DLC1: variants seen among roughly 807,000 people sequenced by gnomAD.
DLC1 encodes the protein DLC1 Rho GTPase activating protein.
In DLC1, 54 loss-of-function variants were observed where a neutral mutation model predicts 140.3. That is an observed-to-expected ratio of 0.38 (90% confidence interval 0.31 to 0.48). The LOEUF (loss-of-function observed/expected upper bound fraction) is 0.48. Ranked by LOEUF, DLC1 falls within the 20% of genes least tolerant of loss-of-function variation. The pLI is 0.96. For synonymous variants in DLC1, 986 were observed against 728.1 expected, an observed-to-expected ratio of 1.35 and a Z score of -5.70; for missense variants, 2,536 against 1,907.0, an observed-to-expected ratio of 1.33 and a Z score of -6.14.
chr8:13,364,068 CATGT>C (rs1001809703), intron 4 of DLC1, among the ~76,000 whole-genome samples: 4 of 152,014 alleles, frequency 2.6e-5, no homozygotes, highest in Non-Finnish European at 5.9e-5. Context: ...CACACGCATG[CATGT>C]GACTTCAGCT....
At chr8:13,561,171 G>A (rs971717534) in intron 1 of DLC1, among the ~76,000 whole-genome samples, 1 of 149,114 alleles carries the variant, frequency 6.7e-6, no homozygotes, top group Admixed American at 6.7e-5. Context: ...CAACCAGGCT[G>A]GAGTGCACTG....
chr8:13,280,159 G>T (rs1831314836), intron 5 of DLC1, among the ~76,000 whole-genome samples: 1 of 151,134 alleles, frequency 6.6e-6, no homozygotes, highest in African/African-American at 2.4e-5. Context: ...GTGGTGGCAG[G>T]TACCTATAGT....
chr8:13,576,544 A>G (rs541980309), intron 1 of DLC1, among the ~76,000 whole-genome samples: 8 of 152,346 alleles, frequency 5.3e-5, no homozygotes, highest in African/African-American at 9.6e-5. Flanking sequence ...GCTTCTTTTA[A>G]CATTGTGGGT....
At chr8:13,136,936 C>G (rs1324178786) in intron 5 of DLC1, among the ~76,000 whole-genome samples, 1 of 152,120 alleles carries the variant, frequency 6.6e-6, no homozygotes, top group Non-Finnish European at 1.5e-5. Context: ...TAGTGCATAC[C>G]TCATGAGGGT....
rs563051414 is a variant in DLC1, at chr8:13,115,765, G to C, written c.1349-108C>G. On this transcript the variant is annotated intron_variant, in intron 5 of 17. Coordinates refer to ENST00000276297, the MANE Select transcript of DLC1 (RefSeq NM_182643.3). ...ATACAAGCAAAACATGACTGCCATA[G>C]AAAATACAGATAAGCAAACAGACAT... 3.1e-6 allele frequency: 3 copies of C among 981,898 alleles called. No homozygotes were observed. The African/African-American group carries it at 4.8e-5, about 16-fold the overall frequency. 60.8% of individuals were successfully genotyped at this position (981,898 alleles called of 1,614,324 possible). A position where few individuals can be genotyped will look rare whatever the true frequency, so the allele number is the denominator to read the frequency against.
intron 1 of DLC1, among the ~76,000 whole-genome samples, chr8:13,538,467 G>A (rs193137910): frequency 2.6e-5 from 4 of 152,040 alleles, no homozygotes; most frequent in East Asian, 3.9e-4. Flanking sequence ...TAGGGACTTC[G>A]AAGACGAGCA....
intron 5 of DLC1, among the ~76,000 whole-genome samples, chr8:13,279,279 A>G (rs1831279868): frequency 6.6e-6 from 1 of 152,190 alleles, no homozygotes; most frequent in South Asian, 2.1e-4. Flanking sequence ...TCTAATCACC[A>G]AAGTGTTATA....
intron 4 of DLC1, among the ~76,000 whole-genome samples, chr8:13,346,310 C>G (rs1834336688): frequency 6.6e-6 from 1 of 152,186 alleles, no homozygotes; most frequent in Non-Finnish European, 1.5e-5. Context: ...AACCATATTT[C>G]AAGTCTGCTA....
In DLC1 at chr8:13,431,015, A is replaced by G. The variant is rs186692693; in HGVS notation, c.1024-29396T>C. Reference sequence around the variant, plus strand: ...CAAATGAGAATAATCTATAAAATGCATAAGTGCTTCTTCCATGTCAGTCAA... The same window carrying G: ...CAAATGAGAATAATCTATAAAATGCGTAAGTGCTTCTTCCATGTCAGTCAA... On this transcript the variant is annotated intron_variant, in intron 2 of 17. Coordinates refer to ENST00000276297, the MANE Select transcript of DLC1 (RefSeq NM_182643.3). 2.4e-4 allele frequency among the ~76,000 whole-genome samples: 37 copies of G among 152,364 alleles called. No homozygotes were observed. The East Asian group carries it at 6.7e-3, about 28-fold the overall frequency.
chr8:13,406,518 T>C (rs1837569111), intron 2 of DLC1, among the ~76,000 whole-genome samples: 1 of 152,196 alleles, frequency 6.6e-6, no homozygotes, highest in South Asian at 2.1e-4. Flanking sequence ...TAGCAGTGTC[T>C]TTATTCCATG....
chr8:13,147,329 A>G (rs1483626192), intron 5 of DLC1, among the ~76,000 whole-genome samples: 2 of 152,160 alleles, frequency 1.3e-5, no homozygotes, highest in Non-Finnish European at 2.9e-5. Context: ...GTATGTGTGG[A>G]TTTCTTTTTC....
chr8:13,393,594 A>G lies in DLC1; in HGVS notation c.1273T>C (p.Ser425Pro), dbSNP rs1586265612. 6.2e-7 allele frequency: 1 copy of G among 1,614,118 alleles called. No homozygotes were observed. Among genetic ancestry groups the G allele is most frequent in the Non-Finnish European group, 8.5e-7 (1 of 1,180,016 alleles). Residue 425 changes from serine to proline, a missense_variant, in exon 4 of 18, where the codon TCC (serine) becomes CCC (proline). By Grantham distance (74) the Ser-to-Pro change is moderately conservative. Transcript: ENST00000276297. ...GTTCCAGAATTGGCTACTGGAGTGG[A>G]AGATGGGAGGTCCGTGGACTCAGTG... ...SDTESTDLPSSTPVANSGTKP... is the reference protein window; with the variant it reads ...SDTESTDLPSPTPVANSGTKP...
chr8:13,441,283 C>T (rs972986792), intron 2 of DLC1, among the ~76,000 whole-genome samples: 1 of 152,146 alleles, frequency 6.6e-6, no homozygotes, highest in East Asian at 1.9e-4. Context: ...GAAGCATTCC[C>T]TTTGAAAACT....
chr8:13,377,189 G>C (rs1438907337), intron 4 of DLC1, among the ~76,000 whole-genome samples: 1 of 152,164 alleles, frequency 6.6e-6, no homozygotes, highest in Non-Finnish European at 1.5e-5. Context: ...ATTTCTGTTT[G>C]AATTTAGTGG....
chr8:13,329,208 C>G (rs1833490591), intron 4 of DLC1, among the ~76,000 whole-genome samples: 1 of 152,246 alleles, frequency 6.6e-6, no homozygotes, highest in South Asian at 2.1e-4. Flanking sequence ...TTCCTCATCC[C>G]CTCTCCCAAA....
At chr8:13,195,850 T>TA (rs1328630990) in intron 5 of DLC1, among the ~76,000 whole-genome samples, 2 of 152,102 alleles carry the variant, frequency 1.3e-5, no homozygotes, top group African/African-American at 2.4e-5. Flanking sequence ...CGGAATCATT[T>TA]AAAAAAATGA....
At chr8:13,436,515 G>A (rs1357192688) in intron 2 of DLC1, among the ~76,000 whole-genome samples, 2 of 152,068 alleles carry the variant, frequency 1.3e-5, no homozygotes, top group Non-Finnish European at 1.5e-5. Flanking sequence ...CAGGTTCTTA[G>A]ATTTTTTTTT....
In DLC1 at chr8:13,365,520, G is replaced by A. The variant is rs567164599; in HGVS notation, c.1314+28033C>T. 9.2e-5 allele frequency among the ~76,000 whole-genome samples: 14 copies of A among 152,218 alleles called. No individual in the cohort carries two copies. In the East Asian group the frequency reaches 2.3e-3, roughly 25 times the overall value. On this transcript the variant is annotated intron_variant, in intron 4 of 17. Coordinates refer to ENST00000276297, the MANE Select transcript of DLC1 (RefSeq NM_182643.3). ...TCAAACAGAAGACACCTGTGAATGC[G>A]TTGGAGGGACAAATGCCAGATGCAT...
At chr8:13,403,694 G>A (rs539226928) in intron 2 of DLC1, among the ~76,000 whole-genome samples, 1 of 151,610 alleles carries the variant, frequency 6.6e-6, no homozygotes, top group Non-Finnish European at 1.5e-5. Flanking sequence ...GTAGTGCAGT[G>A]CAGTGGCACG....
Sources: allele counts gnomAD v4.1 joint callset (sites outside exome capture counted in the v4.1 genomes callset), GRCh38; gene constraint gnomAD v4.1.1; transcripts MANE v1.5; gene names NCBI Gene and HGNC (gene_info 2026-07-23, HGNC 2026-07-21).